Variants in NUFIP1 observed in about 807,000 individuals in gnomAD.
The protein encoded by NUFIP1 is nuclear FMR1 interacting protein 1, also known as FMR1-interacting protein NUFIP1.
Under a neutral mutation model 56.2 loss-of-function variants are expected in NUFIP1, and 38 were observed. The ratio of observed to expected loss-of-function variants is 0.68; its 90% CI spans 0.52 to 0.89. The LOEUF (loss-of-function observed/expected upper bound fraction) is 0.89. Ranked by LOEUF, NUFIP1 falls within the 40% of genes least tolerant of loss-of-function variation. The probability of loss-of-function intolerance (pLI) is 0.00; values close to 1 mark genes in which losing one functional copy is unlikely to be tolerated. For synonymous variants in NUFIP1, 215 were observed against 212.4 expected, an observed-to-expected ratio of 1.01 and a Z score of -0.10; for missense variants, 567 against 605.8, an observed-to-expected ratio of 0.94 and a Z score of 0.67.
chr13:44,942,404 T>C (rs1047098126), intron 9 of NUFIP1, among the ~76,000 whole-genome samples: 2 of 152,216 alleles, frequency 1.3e-5, no homozygotes, highest in Non-Finnish European at 2.9e-5. Flanking sequence ...TCACTTAATT[T>C]ACCAATTATA....
chr13:44,959,652 C>T (rs1381957863), intron 6 of NUFIP1, 78 bp from the exon 7 acceptor site: 2 of 1,147,504 alleles, frequency 1.7e-6, no homozygotes, highest in Non-Finnish European at 1.3e-6. Flanking sequence ...CTACTAGATA[C>T]AAAAGAAACC....
intron 5 of NUFIP1, 104 bp from the exon 6 acceptor site, chr13:44,966,040 C>G (rs1871589715): frequency 4.2e-5 from 21 of 497,966 alleles, no homozygotes; most frequent in Non-Finnish European, 3.4e-6. Context: ...ACACCTAACA[C>G]AGCAAATTAT....
intron 5 of NUFIP1, among the ~76,000 whole-genome samples, chr13:44,973,720 C>T (rs1871879751): frequency 1.3e-5 from 2 of 152,158 alleles, no homozygotes; most frequent in Non-Finnish European, 2.9e-5. Context: ...AGACATTTCT[C>T]TAGGCAGATG....
rs1241559785 is a variant in NUFIP1, at chr13:44,942,761, G to A, written c.1371+681C>T. ...TAGATTTTTGAGCACATAATGCTGA[G>A]AATAAAGCCACGAATGCACAGAATA... On this transcript the variant is annotated intron_variant, in intron 9 of 9. Coordinates refer to ENST00000379161, the MANE Select transcript of NUFIP1 (RefSeq NM_012345.3). Among the ~76,000 whole-genome samples the A allele has an allele frequency of 2.6e-5, 4 of 152,016 alleles. No individual in the cohort carries two copies. In the East Asian group the frequency reaches 5.8e-4, roughly 22 times the overall value.
At chr13:44,952,935 A>C (rs1871126914) in intron 7 of NUFIP1, among the ~76,000 whole-genome samples, 1 of 152,112 alleles carries the variant, frequency 6.6e-6, no homozygotes, top group Non-Finnish European at 1.5e-5. Flanking sequence ...TATTTTTAGA[A>C]TGTCCCTCAG....
chr13:44,987,843 T>C (rs576411918), intron 1 of NUFIP1, among the ~76,000 whole-genome samples: 25 of 152,238 alleles, frequency 1.6e-4, no homozygotes, highest in Non-Finnish European at 3.4e-4. Flanking sequence ...TCCGCTGTAC[T>C]ACCCACCTCA....
At chr13:44,942,932 C>T (rs956722174) in intron 9 of NUFIP1, among the ~76,000 whole-genome samples, 1 of 147,794 alleles carries the variant, frequency 6.8e-6, no homozygotes, top group Non-Finnish European at 1.5e-5. Flanking sequence ...CGCCACTACA[C>T]TCCAGCTTGG....
intron 1 of NUFIP1, 34 bp downstream of exon 1, chr13:44,988,991 T>G: frequency 1.2e-6 from 2 of 1,607,792 alleles, no homozygotes; most frequent in Non-Finnish European, 1.7e-6. Context: ...GGGAAAAAGG[T>G]AAAGGGGTCG....
At chr13:44,949,976 G>T (rs969269732) in intron 7 of NUFIP1, 138 bp from the exon 8 acceptor site, 18 of 672,902 alleles carry the variant, frequency 2.7e-5, no homozygotes, top group Non-Finnish European at 4.6e-5. Context: ...ATTCTAGGGG[G>T]CCAGAAACAC....
intron 8 of NUFIP1, 105 bp from the exon 9 acceptor site, chr13:44,943,779 AT>A: frequency 1.2e-6 from 1 of 806,754 alleles, no homozygotes; most frequent in Non-Finnish European, 2.0e-6. Context: ...TAGCCATAAT[AT>A]TGTTCACTTA....
At chr13:44,962,074 T>C (rs1347143381) in intron 6 of NUFIP1, among the ~76,000 whole-genome samples, 1 of 151,846 alleles carries the variant, frequency 6.6e-6, no homozygotes, top group Non-Finnish European at 1.5e-5. Context: ...GAATATAAAA[T>C]GGAGAGATTA....
At chr13:44,978,449 A>C (rs1214431704) in intron 5 of NUFIP1, among the ~76,000 whole-genome samples, 2 of 152,218 alleles carry the variant, frequency 1.3e-5, no homozygotes, top group Admixed American at 6.5e-5. Context: ...TGATCATTAC[A>C]GTAGTTCTGC....
At chr13:44,948,650 G>A (rs1388582928) in intron 8 of NUFIP1, among the ~76,000 whole-genome samples, 1 of 152,122 alleles carries the variant, frequency 6.6e-6, no homozygotes, top group African/African-American at 2.4e-5. Context: ...TTAAACATAT[G>A]CTGGATTATT....
Position 44,960,292 on chromosome 13 carries a change from G to A in NUFIP1, c.828-718C>T, listed in dbSNP as rs748532663. On this transcript the variant is annotated intron_variant, in intron 6 of 9. Coordinates refer to ENST00000379161, the MANE Select transcript of NUFIP1 (RefSeq NM_012345.3). The stretch of plus-strand genomic sequence containing the variant: ...TTGTCTACTCATTTTATTTTGAGAC[G>A]GAGTCTCACTCTGTCGCCCAGGCTG... 2.9e-4 allele frequency among the ~76,000 whole-genome samples: 42 copies of A among 142,530 alleles called. 1 individual carries two copies. The highest frequency in any genetic ancestry group is 5.3e-4 in the Non-Finnish European group (34 of 64,624). The allele number at this position is 142,530 out of a possible 152,430, so 93.5% of individuals were successfully genotyped here. A position where few individuals can be genotyped will look rare whatever the true frequency, so the allele number is the denominator to read the frequency against.
In NUFIP1 at chr13:44,979,964, T is replaced by C. The variant is rs753839001; in HGVS notation, c.595-12A>G. The C allele has an allele frequency of 1.3e-6, 2 of 1,583,032 alleles. No homozygotes were observed. Among genetic ancestry groups the C allele is most frequent in the East Asian group, 2.2e-5 (1 of 44,588 alleles). ...TCTAATTCAGGGCACTATGAGTTTT[T>C]AAAAGAAAAAAAAAACTATTTAACA... On this transcript the variant is annotated splice_polypyrimidine_tract_variant and intron_variant, in intron 3 of 9. Coordinates refer to ENST00000379161, the MANE Select transcript of NUFIP1 (RefSeq NM_012345.3).
intron 8 of NUFIP1, among the ~76,000 whole-genome samples, chr13:44,949,011 A>T (rs1028654102): frequency 2.0e-5 from 3 of 152,172 alleles, no homozygotes; most frequent in Admixed American, 6.5e-5. Context: ...GCATTAAAAA[A>T]ATTGTATCAC....
In NUFIP1 at chr13:44,939,289, T is replaced by C. The variant is rs1870652464; in HGVS notation, c.*1917A>G. 6.6e-6 allele frequency: 1 copy of C among 152,170 alleles called. No individual in the cohort carries two copies. The highest frequency in any genetic ancestry group is 1.5e-5 in the Non-Finnish European group (1 of 68,034). The allele number at this position is 152,170 out of a possible 1,614,324, so 9.4% of individuals were successfully genotyped here. ...TTAATAATCTCAATTAATATAAATGTATTAAATTTCCCAGAGCTGGTTTGA... is the reference window on the plus strand; with the variant it reads ...TTAATAATCTCAATTAATATAAATGCATTAAATTTCCCAGAGCTGGTTTGA... On this transcript the variant is annotated 3_prime_UTR_variant, in exon 10 of 10. Transcript: ENST00000379161.
intron 7 of NUFIP1, 140 bp downstream of exon 7, chr13:44,959,241 T>C (rs946278678): frequency 1.3e-6 from 1 of 771,430 alleles, no homozygotes; most frequent in African/African-American, 1.8e-5. Flanking sequence ...AAGATGCTCC[T>C]ATTAAAAACA....
chr13:44,989,314 T>G lies in NUFIP1; in HGVS notation c.123A>C (p.Ala41=). The part of the protein sequence containing the change: ...APPRDSWMFW[A]MLPPPPPPLT... The stretch of plus-strand genomic sequence containing the variant: ...GTGGTGGTGGCGGTGGCGGCAGCAT[T>G]GCCCAGAACATCCAGCTGTCCCGCG... Residue 41 remains alanine, a synonymous_variant, in exon 1 of 10, where the codon GCA becomes GCC. Coordinates refer to ENST00000379161, the MANE Select transcript of NUFIP1 (RefSeq NM_012345.3). 1 of 1,613,316 alleles carries G rather than the reference T, an allele frequency of 6.2e-7. No individual in the cohort carries two copies. Among genetic ancestry groups the G allele is most frequent in the Non-Finnish European group, 8.5e-7 (1 of 1,179,822 alleles).
Sources: gnomAD v4.1 joint callset for allele counts (sites outside exome capture counted in the v4.1 genomes callset) on GRCh38, gnomAD v4.1.1 for gene constraint, MANE v1.5 for transcripts, NCBI Gene and HGNC (gene_info 2026-07-23, HGNC 2026-07-21) for gene names.